Variants in VWA8 observed in about 807,000 individuals in gnomAD.
VWA8 encodes von Willebrand factor A domain containing 8, also known as von Willebrand factor A domain-containing protein 8.
A neutral mutation model predicts 241.5 loss-of-function variants in VWA8; 221 were observed. The ratio of observed to expected loss-of-function variants is 0.91; its 90% CI spans 0.82 to 1.02. VWA8 has a LOEUF of 1.02. Ranked by LOEUF, VWA8 falls within the 50% of genes least tolerant of loss-of-function variation. The pLI, the probability that VWA8 is intolerant of heterozygous loss-of-function variation, is 0.00. For missense variants in VWA8, 2,322 were observed against 2,328.7 expected (o/e 1.00, Z 0.06); for synonymous variants, 852 against 827.1 (o/e 1.03, Z -0.52).
rs556410739 is a variant in VWA8, at chr13:41,925,988, G to A, written c.242-13820C>T. The A allele has an allele frequency of 7.6e-6, 3 of 393,342 alleles. No homozygotes were observed. In the South Asian group the frequency reaches 1.0e-4, roughly 13 times the overall value. The allele number at this position is 393,342 out of a possible 1,614,324, so 24.4% of individuals were successfully genotyped here. ...ATGTCACCTTAAAGGTGGCAGGTAG[G>A]ATCCATGCTAAAAGAGCTTCTGAGG... On this transcript the variant is annotated intron_variant, in intron 2 of 44. Coordinates refer to ENST00000379310, the MANE Select transcript of VWA8 (RefSeq NM_015058.2).
At chr13:41,574,396 C>T (rs1053854990) in intron 43 of VWA8, among the ~76,000 whole-genome samples, 1 of 151,418 alleles carries the variant, frequency 6.6e-6, no homozygotes, top group Admixed American at 6.6e-5. Flanking sequence ...AGGAAAACTA[C>T]AAAACACTGA....
chr13:41,753,077 G>A (rs1393267740), intron 21 of VWA8, among the ~76,000 whole-genome samples: 1 of 152,106 alleles, frequency 6.6e-6, no homozygotes, highest in Non-Finnish European at 1.5e-5. Flanking sequence ...GAATAAAGAA[G>A]GCATGCATAC....
chr13:41,784,713 T>TATATATATATATATAC (rs1566456260), intron 18 of VWA8, among the ~76,000 whole-genome samples: 3 of 70,702 alleles, frequency 4.2e-5, no homozygotes, highest in African/African-American at 8.5e-5. Flanking sequence ...TATATATATA[T>TATATATATATATATAC]ATATATATAT....
At position 41,891,588 on chromosome 13, in the gene VWA8, C is replaced by T. The variant is rs1230106948; in HGVS notation, c.484-1G>A. 13 of 1,613,894 alleles carry T rather than the reference C, an allele frequency of 8.1e-6. No homozygotes were observed. Among genetic ancestry groups the T allele is most frequent in the Non-Finnish European group, 1.1e-5 (13 of 1,179,940 alleles). The stretch of plus-strand genomic sequence containing the variant: ...CTTCTGTGGCTGCACGAACTGCACA[C>T]TATTTCCAAGAAACGTAAAAGCAAA... On this transcript the variant is annotated splice_acceptor_variant, in intron 4 of 44. Coordinates refer to ENST00000379310, the MANE Select transcript of VWA8 (RefSeq NM_015058.2). LOFTEE classifies it high-confidence loss of function.
At chr13:41,601,537 T>G (rs930511578) in intron 40 of VWA8, among the ~76,000 whole-genome samples, 1 of 152,070 alleles carries the variant, frequency 6.6e-6, no homozygotes, top group East Asian at 1.9e-4. Context: ...AGAAAAACAT[T>G]GGAGAGAAGA....
At chr13:41,693,001 C>T in intron 29 of VWA8, 29 bp from the exon 30 acceptor site, 1 of 1,319,186 alleles carries the variant, frequency 7.6e-7, no homozygotes, top group South Asian at 1.3e-5. Flanking sequence ...GTGAAAAGCT[C>T]AAGATTTGTT....
chr13:41,730,754 ATAATG>A (rs2045476348), intron 22 of VWA8, among the ~76,000 whole-genome samples: 1 of 152,244 alleles, frequency 6.6e-6, no homozygotes, highest in South Asian at 2.1e-4. Context: ...AGTAAGAAAT[ATAATG>A]TAAAGTGGAC....
intron 3 of VWA8, among the ~76,000 whole-genome samples, chr13:41,909,035 T>G (rs937808641): frequency 1.3e-5 from 2 of 151,354 alleles, no homozygotes; most frequent in Non-Finnish European, 2.9e-5. Flanking sequence ...TAACTTTATG[T>G]ACGTAAAGGA....
intron 37 of VWA8, among the ~76,000 whole-genome samples, chr13:41,657,342 G>T (rs1461761682): frequency 6.6e-6 from 1 of 151,888 alleles, no homozygotes; most frequent in Non-Finnish European, 1.5e-5. Flanking sequence ...TCCTTTTGTA[G>T]TTTAAGTTAC....
chr13:41,615,225 A>G (rs1045915422), intron 37 of VWA8, 141 bp from the exon 38 acceptor site: 5 of 762,724 alleles, frequency 6.6e-6, no homozygotes, highest in Non-Finnish European at 1.0e-5. Flanking sequence ...TGCTGTGAGT[A>G]TTTGGCAAAA....
intron 21 of VWA8, among the ~76,000 whole-genome samples, chr13:41,760,525 A>G (rs1002397981): frequency 6.6e-6 from 1 of 151,612 alleles, no homozygotes; most frequent in Non-Finnish European, 1.5e-5. Context: ...ATATTTCTTG[A>G]CTTATCTATT....
intron 12 of VWA8, among the ~76,000 whole-genome samples, chr13:41,850,389 C>A (rs1416042448): frequency 6.6e-6 from 1 of 152,170 alleles, no homozygotes; most frequent in Non-Finnish European, 1.5e-5. Flanking sequence ...TGGTATCAGG[C>A]AGCCCCCTAG....
intron 26 of VWA8, among the ~76,000 whole-genome samples, chr13:41,707,384 A>C (rs565979649): frequency 6.6e-6 from 1 of 152,220 alleles, no homozygotes; most frequent in Non-Finnish European, 1.5e-5. Flanking sequence ...TAGGGGCATT[A>C]TGCAATTGGA....
intron 42 of VWA8, among the ~76,000 whole-genome samples, chr13:41,576,289 CA>C (rs1304823624): frequency 6.6e-6 from 1 of 152,192 alleles, no homozygotes; most frequent in Non-Finnish European, 1.5e-5. Context: ...GTTTATTGCA[CA>C]AATGCTGTAA....
At chr13:41,663,648 C>T (rs2044967063) in intron 37 of VWA8, among the ~76,000 whole-genome samples, 1 of 152,030 alleles carries the variant, frequency 6.6e-6, no homozygotes, top group Middle Eastern at 3.4e-3. Flanking sequence ...TATTTTTCCT[C>T]TCCCACCTCA....
chr13:41,861,087 A>G (rs1872980456), intron 12 of VWA8, among the ~76,000 whole-genome samples: 1 of 152,064 alleles, frequency 6.6e-6, no homozygotes, highest in Non-Finnish European at 1.5e-5. Flanking sequence ...GCAATGGCAC[A>G]TGAAATATTA....
chr13:41,643,393 C>A (rs2044809452), intron 37 of VWA8, among the ~76,000 whole-genome samples: 1 of 152,322 alleles, frequency 6.6e-6, no homozygotes. Flanking sequence ...CTATCAAGGA[C>A]TTTTCATCTC....
chr13:41,949,120 T>C (rs1365895164), intron 2 of VWA8, among the ~76,000 whole-genome samples: 1 of 150,502 alleles, frequency 6.6e-6, no homozygotes, highest in Non-Finnish European at 1.5e-5. Flanking sequence ...GGATGATTAA[T>C]GTAATCTTGG....
chr13:41,804,654 TA>T (rs1278352770), intron 17 of VWA8, among the ~76,000 whole-genome samples: 2 of 152,216 alleles, frequency 1.3e-5, no homozygotes, highest in African/African-American at 4.8e-5. Context: ...GTAAACTACT[TA>T]TAACTTGAGT....
Sources: allele counts gnomAD v4.1 joint callset (sites outside exome capture counted in the v4.1 genomes callset), GRCh38; gene constraint gnomAD v4.1.1; transcripts MANE v1.5; gene names NCBI Gene and HGNC (gene_info 2026-07-23, HGNC 2026-07-21).